Variants in AOPEP observed in about 807,000 individuals in gnomAD.
AOPEP encodes the protein aminopeptidase O.
In AOPEP, 77 loss-of-function variants were observed where a neutral mutation model predicts 98.1. That is an observed-to-expected ratio of 0.78 (90% CI 0.65 to 0.95). AOPEP has a LOEUF of 0.95. AOPEP is among the 40% of genes least tolerant of loss of function. The probability of loss-of-function intolerance (pLI) is 0.00; values close to 1 mark genes in which losing one functional copy is unlikely to be tolerated. For missense variants in AOPEP, 1,024 were observed against 1,024.7 expected, an observed-to-expected ratio of 1.00 and a Z score of 0.01; for synonymous variants, 346 against 365.3, an observed-to-expected ratio of 0.95 and a Z score of 0.60.
intron 13 of AOPEP, among the ~76,000 whole-genome samples, chr9:95,009,047 A>C (rs931935816): frequency 1.3e-5 from 2 of 152,204 alleles, no homozygotes; most frequent in Non-Finnish European, 2.9e-5. Flanking sequence ...AAAACAAGGA[A>C]AGTATGAATA....
intron 10 of AOPEP, among the ~76,000 whole-genome samples, chr9:94,968,934 C>A (rs567494287): frequency 2.0e-5 from 3 of 152,242 alleles, no homozygotes; most frequent in African/African-American, 7.2e-5. Flanking sequence ...TACAGACACT[C>A]ATTTAATCCT....
chr9:94,843,385 C>T (rs1339076703), intron 5 of AOPEP, among the ~76,000 whole-genome samples: 1 of 152,208 alleles, frequency 6.6e-6, no homozygotes, highest in Non-Finnish European at 1.5e-5. Context: ...CAGCCTCCAA[C>T]CCTTGTAGAG....
intron 7 of AOPEP, among the ~76,000 whole-genome samples, chr9:94,936,132 A>G (rs1048157132): frequency 1.3e-5 from 2 of 151,914 alleles, no homozygotes; most frequent in African/African-American, 4.8e-5. Flanking sequence ...TCTATTTTCT[A>G]CTTCTGGTCT....
chr9:94,898,438 G>T (rs372934526), intron 5 of AOPEP, among the ~76,000 whole-genome samples: 1 of 151,698 alleles, frequency 6.6e-6, no homozygotes. Context: ...GGCCAACATG[G>T]TGAAACCTCA....
chr9:95,042,779 C>T (rs1241406911), intron 13 of AOPEP, among the ~76,000 whole-genome samples: 1 of 152,184 alleles, frequency 6.6e-6, no homozygotes, highest in East Asian at 1.9e-4. Context: ...CTTATGCTTA[C>T]GTTGAGCCCA....
At chr9:95,063,898 A>G (rs1464585825) in intron 14 of AOPEP, among the ~76,000 whole-genome samples, 1 of 135,800 alleles carries the variant, frequency 7.4e-6, no homozygotes, top group Non-Finnish European at 1.6e-5. Context: ...GACTACAGCT[A>G]ATTGACAAAA....
At chr9:94,931,646 T>C in intron 7 of AOPEP, 1 of 996,962 alleles carries the variant, frequency 1.0e-6, no homozygotes, top group East Asian at 2.6e-5. Flanking sequence ...GTTCTTTCTT[T>C]CAAGATGCCC....
At chr9:95,114,493 T>G in the AOPEP span, 3 of 841,186 alleles carry the variant, frequency 3.6e-6, no homozygotes, top group South Asian at 1.4e-5. Flanking sequence ...ACTTCTCACT[T>G]CACCATGGTG....
At chr9:94,974,115 A>G (rs1340796092) in intron 10 of AOPEP, among the ~76,000 whole-genome samples, 5 of 152,202 alleles carry the variant, frequency 3.3e-5, no homozygotes, top group Non-Finnish European at 7.3e-5. Flanking sequence ...TTTCTGCAAC[A>G]TATTAGTCCA....
At chr9:94,798,198 A>G (rs1847451103) in intron 4 of AOPEP, among the ~76,000 whole-genome samples, 1 of 152,142 alleles carries the variant, frequency 6.6e-6, no homozygotes, top group Non-Finnish European at 1.5e-5. Flanking sequence ...TCCTGATGCC[A>G]TTTCTGTGTC....
intron 13 of AOPEP, among the ~76,000 whole-genome samples, chr9:95,017,263 A>G (rs916410088): frequency 1.3e-5 from 2 of 152,144 alleles, no homozygotes; most frequent in Non-Finnish European, 2.9e-5. Context: ...ATTATGGGGA[A>G]ATGCTTCATG....
chr9:94,912,232 C>T (rs1489827303), intron 5 of AOPEP, among the ~76,000 whole-genome samples: 2 of 152,112 alleles, frequency 1.3e-5, no homozygotes, highest in Admixed American at 1.3e-4. Flanking sequence ...TTCTTAAAAA[C>T]CACTAGAATA....
At chr9:95,098,697 G>A in the AOPEP span, among the ~76,000 whole-genome samples, 1 of 152,244 alleles carries the variant, frequency 6.6e-6, no homozygotes, top group Admixed American at 6.5e-5. Context: ...GCAAGAGTGG[G>A]TGGGCTATGC....
rs545275224 is a variant in AOPEP, at chr9:94,862,431, G to T, written c.1364+61429G>T. On this transcript the variant is annotated intron_variant, in intron 5 of 16. Coordinates refer to ENST00000375315, the MANE Select transcript of AOPEP (RefSeq NM_001193329.3). ...TTTAAAGGGACTCTTTTTCAAGGCT[G>T]AGAAACCATGTCCTGAGAAAAGGGA... Among the ~76,000 whole-genome samples, 342 of 152,280 alleles carry T rather than the reference G, an allele frequency of 2.2e-3. 1 individual carries two copies. The Middle Eastern group carries it at 0.037, about 17-fold the overall frequency.
At chr9:94,796,313 T>C (rs1463430636) in intron 4 of AOPEP, among the ~76,000 whole-genome samples, 1 of 152,260 alleles carries the variant, frequency 6.6e-6, no homozygotes, top group Non-Finnish European at 1.5e-5. Flanking sequence ...ATGCTGCTGA[T>C]AAAATCATAG....
chr9:94,943,947 A>AAAAAAAG (rs2057335954), intron 7 of AOPEP, among the ~76,000 whole-genome samples: 1 of 150,056 alleles, frequency 6.7e-6, no homozygotes, highest in East Asian at 1.9e-4. Context: ...AAAAAAAAAA[A>AAAAAAAG]CAGGTCAATC....
chr9:94,975,664 T>C (rs1409971914), intron 10 of AOPEP, among the ~76,000 whole-genome samples: 3 of 152,208 alleles, frequency 2.0e-5, no homozygotes, highest in African/African-American at 7.2e-5. Context: ...GCCACATCCA[T>C]GTGGGCCGCT....
At chr9:94,815,623 C>A (rs1344925198) in intron 5 of AOPEP, among the ~76,000 whole-genome samples, 4 of 152,094 alleles carry the variant, frequency 2.6e-5, no homozygotes. Flanking sequence ...GCAGTGAGGA[C>A]AGCATCTGGG....
intron 5 of AOPEP, among the ~76,000 whole-genome samples, chr9:94,832,330 A>G (rs1352867746): frequency 6.6e-6 from 1 of 152,224 alleles, no homozygotes; most frequent in Non-Finnish European, 1.5e-5. Context: ...AACTTTTCTT[A>G]TCATAGGAGA....
Sources: allele counts gnomAD v4.1 joint callset (sites outside exome capture counted in the v4.1 genomes callset), GRCh38; gene constraint gnomAD v4.1.1; transcripts MANE v1.5; gene names NCBI Gene and HGNC (gene_info 2026-07-23, HGNC 2026-07-21).